The following MRPL30 variants were observed in gnomAD, a reference collection of about 807,000 sequenced individuals.
The protein encoded by MRPL30 is mitochondrial ribosomal protein L30.
MRPL30 carries 10 observed loss-of-function variants against 17.2 expected under a neutral mutation model. That is an observed-to-expected ratio of 0.58 (90% CI 0.36 to 0.99). The LOEUF (loss-of-function observed/expected upper bound fraction) is 0.99. MRPL30 is among the 50% of genes least tolerant of loss of function. The pLI is 0.01. For missense variants in MRPL30, 170 were observed against 189.8 expected (o/e 0.90, Z 0.61); for synonymous variants, 61 against 62.1 (o/e 0.98, Z 0.08).
chr2:99,188,749 G>A (rs1016158673), intron 3 of MRPL30, among the ~76,000 whole-genome samples: 2 of 152,092 alleles, frequency 1.3e-5, no homozygotes, highest in Admixed American at 6.6e-5. Flanking sequence ...TGCCCAGGCT[G>A]GAGTGCAGTG....
At chr2:99,188,033 G>A in intron 2 of MRPL30, 144 bp from the exon 3 acceptor site, 6 of 572,120 alleles carry the variant, frequency 1.0e-5, no homozygotes, top group Non-Finnish European at 1.9e-5. Context: ...TAGATGGGAT[G>A]CGTTCACTCA....
In MRPL30 at chr2:99,195,779, A is replaced by G; in HGVS notation, c.*74A>G. On this transcript the variant is annotated 3_prime_UTR_variant, in exon 6 of 6. Coordinates refer to ENST00000338148, the MANE Select transcript of MRPL30 (RefSeq NM_145212.4). The stretch of plus-strand genomic sequence containing the variant: ...ATGGTGAGAAAGTGTTTTCATTAAA[A>G]TATGTTTTCAAAACCATTTTCAGGC... 1 of 1,599,952 alleles carries G rather than the reference A, an allele frequency of 6.3e-7. No homozygotes were observed.
At chr2:99,183,674 AAAG>A (rs2093929536) in intron 1 of MRPL30, among the ~76,000 whole-genome samples, 1 of 152,184 alleles carries the variant, frequency 6.6e-6, no homozygotes, top group Non-Finnish European at 1.5e-5. Context: ...TTAGATTTTC[AAAG>A]AAGTTGTGAA....
At chr2:99,183,153 T>C (rs1224977405) in intron 1 of MRPL30, among the ~76,000 whole-genome samples, 1 of 129,234 alleles carries the variant, frequency 7.7e-6, no homozygotes. Context: ...CCTGCTTGAC[T>C]AGTTCTAGAT....
At chr2:99,188,888 A>T (rs1276747816) in intron 3 of MRPL30, among the ~76,000 whole-genome samples, 1 of 152,100 alleles carries the variant, frequency 6.6e-6, no homozygotes, top group African/African-American at 2.4e-5. Context: ...TTTAGTAGAG[A>T]TGGGGTTTCA....
intron 4 of MRPL30, 35 bp downstream of exon 4, chr2:99,194,932 T>G: frequency 2.0e-6 from 3 of 1,512,400 alleles, no homozygotes; most frequent in Non-Finnish European, 2.7e-6. Flanking sequence ...TAGTGTTGTT[T>G]ACATTGCTTT....
chr2:99,182,544 G>A (rs1301948643), intron 1 of MRPL30, among the ~76,000 whole-genome samples: 3 of 152,242 alleles, frequency 2.0e-5, no homozygotes, highest in Non-Finnish European at 2.9e-5. Flanking sequence ...GACAGAGCGA[G>A]ACTCCGTCTC....
chr2:99,194,019 T>C (rs11677321), intron 3 of MRPL30, among the ~76,000 whole-genome samples: 90,620 of 148,466 alleles, frequency 0.61, 28,203 homozygotes, highest in East Asian at 0.88. Flanking sequence ...GCCTGGGCGA[T>C]AGAGCAAGAC....
intron 3 of MRPL30, among the ~76,000 whole-genome samples, chr2:99,191,098 C>T (rs2093944708): frequency 6.6e-6 from 1 of 151,878 alleles, no homozygotes; most frequent in Non-Finnish European, 1.5e-5. Context: ...CCTCCATCTC[C>T]CGGGTTCAAG....
chr2:99,182,630 GA>G (rs1307594699), intron 1 of MRPL30, among the ~76,000 whole-genome samples: 1 of 152,236 alleles, frequency 6.6e-6, no homozygotes, highest in Non-Finnish European at 1.5e-5. Flanking sequence ...CAATTACTGG[GA>G]AAATTGAGGA....
chr2:99,183,301 G>A (rs2093928734), intron 1 of MRPL30, among the ~76,000 whole-genome samples: 1 of 152,122 alleles, frequency 6.6e-6, no homozygotes, highest in Non-Finnish European at 1.5e-5. Context: ...TGGGGGTGGT[G>A]GCCCATGCTT....
rs563160178 is a variant in MRPL30 at position 99,188,365 on chromosome 2, T to A, written c.132+108T>A. ...GATTTTATGTTAAATTATATGTGGA[T>A]GTAGGTGATGGTACAGAGTTTAAAG... On this transcript the variant is annotated intron_variant, in intron 3 of 5. Coordinates refer to ENST00000338148, the MANE Select transcript of MRPL30 (RefSeq NM_145212.4). The A allele has an allele frequency of 2.5e-5, 20 of 786,338 alleles. No individual in the cohort carries two copies. The East Asian group carries it at 5.4e-4, about 21-fold the overall frequency. The allele number at this position is 786,338 out of a possible 1,614,324, so 48.7% of individuals were successfully genotyped here.
rs370965640 is a variant in MRPL30 at position 99,183,451 on chromosome 2, C to A, written c.-28+2202C>A. On this transcript the variant is annotated intron_variant, in intron 1 of 5. Coordinates refer to ENST00000338148, the MANE Select transcript of MRPL30 (RefSeq NM_145212.4). The stretch of plus-strand genomic sequence containing the variant: ...GGACGTGGTGGCAGGTGCCTCTGAT[C>A]CCAGCTACTCAGCAGGCTGAGGCAG... Among the ~76,000 whole-genome samples the A allele has an allele frequency of 1.8e-3, 277 of 152,122 alleles. 13 individuals carry two copies. In the South Asian group the frequency reaches 0.056, roughly 31 times the overall value.
At chr2:99,193,445 AT>A (rs1317419607) in intron 3 of MRPL30, among the ~76,000 whole-genome samples, 3 of 151,808 alleles carry the variant, frequency 2.0e-5, no homozygotes, top group South Asian at 2.1e-4. Flanking sequence ...TTGGGGGTCA[AT>A]TTTTTTTCTA....
At chr2:99,195,465 C>T in intron 5 of MRPL30, 108 bp from the exon 6 acceptor site, 3 of 1,280,132 alleles carry the variant, frequency 2.3e-6, no homozygotes, top group South Asian at 1.5e-5. Context: ...CAACATCCTC[C>T]TCCTAGCTAT....
At chr2:99,188,352 A>T in intron 3 of MRPL30, 95 bp downstream of exon 3, 2 of 897,996 alleles carry the variant, frequency 2.2e-6, no homozygotes, top group Non-Finnish European at 3.4e-6. Context: ...TTTTATGTTA[A>T]ATTATATGTG....
intron 2 of MRPL30, among the ~76,000 whole-genome samples, 158 bp downstream of exon 2, chr2:99,186,412 A>G (rs937329582): frequency 1.3e-5 from 2 of 152,032 alleles, no homozygotes; most frequent in African/African-American, 4.8e-5. Context: ...GGCTCACTGT[A>G]GTCTCTGCCT....
chr2:99,198,693 T>C lies in MRPL30; in HGVS notation c.*2988T>C, dbSNP rs2093958906. ...GTATAGTTTAGAAGGTTTCTTCAGA[T>C]TGGCATTCCTTTGCCTCATATCATC... On this transcript the variant is annotated 3_prime_UTR_variant, in exon 6 of 6. Transcript: ENST00000338148. 6.6e-6 allele frequency among the ~76,000 whole-genome samples: 1 copy of C among 152,178 alleles called. No homozygotes were observed. Among genetic ancestry groups the C allele is most frequent in the African/African-American group, 2.4e-5 (1 of 41,458 alleles).
rs2105250248 is a variant in MRPL30, at chr2:99,195,564, G to A, written c.354-9G>A. ...TCCTCCTATCTAAACGCATTTTCTT[G>A]TGTCACAGAATCAAGCCCTTGAAGT... On this transcript the variant is annotated splice_polypyrimidine_tract_variant and intron_variant, in intron 5 of 5. Coordinates refer to ENST00000338148, the MANE Select transcript of MRPL30 (RefSeq NM_145212.4). The A allele has an allele frequency of 6.3e-7, 1 of 1,592,708 alleles. No individual in the cohort carries two copies. The highest frequency in any genetic ancestry group is 8.5e-7 in the Non-Finnish European group (1 of 1,174,528).
Sources: gnomAD v4.1 joint callset for allele counts (sites outside exome capture counted in the v4.1 genomes callset) on GRCh38, gnomAD v4.1.1 for gene constraint, MANE v1.5 for transcripts, NCBI Gene and HGNC (gene_info 2026-07-23, HGNC 2026-07-21) for gene names.